CELF4: variants seen among roughly 807,000 people sequenced by gnomAD.
CELF4 encodes the protein CUGBP Elav-like family member 4, also known as CUG-BP- and ETR-3-like factor 4.
Under a neutral mutation model 59.9 loss-of-function variants are expected in CELF4, and 18 were observed. The observed-to-expected ratio is 0.30, with a 90% CI of 0.21 to 0.45. The LOEUF (loss-of-function observed/expected upper bound fraction) is 0.45, where lower values mean the gene tolerates loss of function less well. Ranked by LOEUF, CELF4 falls within the 20% of genes least tolerant of loss-of-function variation. The pLI, the probability that CELF4 is intolerant of heterozygous loss-of-function variation, is 1.00. For synonymous variants in CELF4, 261 were observed against 267.1 expected, an observed-to-expected ratio of 0.98 and a Z score of 0.22; for missense variants, 456 against 689.0, an observed-to-expected ratio of 0.66 and a Z score of 3.79.
At chr18:37,430,407 T>C (rs2099641375) in intron 2 of CELF4, among the ~76,000 whole-genome samples, 1 of 152,178 alleles carries the variant, frequency 6.6e-6, no homozygotes, top group African/African-American at 2.4e-5. Context: ...CTGTGCCTCA[T>C]ATAAATGCAA....
At chr18:37,312,725 G>T (rs944119583) in intron 3 of CELF4, among the ~76,000 whole-genome samples, 1 of 152,158 alleles carries the variant, frequency 6.6e-6, no homozygotes, top group Non-Finnish European at 1.5e-5. Context: ...ATAGGGTAGG[G>T]GTAGGGTAGA....
intron 2 of CELF4, among the ~76,000 whole-genome samples, chr18:37,411,549 T>G (rs1461458458): frequency 6.6e-6 from 1 of 152,272 alleles, no homozygotes; most frequent in Admixed American, 6.5e-5. Flanking sequence ...TGAGGGGCAC[T>G]GCTGCTACTT....
At position 37,348,622 on chromosome 18, in the gene CELF4, G is replaced by C. The variant is rs561927935; in HGVS notation, c.370-26741C>G. On this transcript the variant is annotated intron_variant, in intron 2 of 12. Transcript: ENST00000420428. ...AGCAGTGAGGTGGGGTGGGACGGTGGGGGGATGGGAGCAAAATTCCCTCCT... is the reference window on the plus strand; with the variant it reads ...AGCAGTGAGGTGGGGTGGGACGGTGCGGGGATGGGAGCAAAATTCCCTCCT... 3.3e-5 allele frequency among the ~76,000 whole-genome samples: 5 copies of C among 152,162 alleles called. No individual in the cohort carries two copies. In the South Asian group the frequency reaches 1.0e-3, roughly 32 times the overall value.
chr18:37,339,997 A>G (rs1374255372), intron 2 of CELF4, among the ~76,000 whole-genome samples: 1 of 152,158 alleles, frequency 6.6e-6, no homozygotes, highest in African/African-American at 2.4e-5. Context: ...CCATCAGCGC[A>G]TTAATCCTTA....
At chr18:37,474,087 G>A (rs1027382902) in intron 2 of CELF4, 5 of 152,216 alleles carry the variant, frequency 3.3e-5, no homozygotes, top group Non-Finnish European at 7.3e-5. Flanking sequence ...TTACGTTGTT[G>A]CTGTTGCATG....
chr18:37,465,761 A>G (rs946599555), intron 2 of CELF4, among the ~76,000 whole-genome samples: 4 of 152,184 alleles, frequency 2.6e-5, no homozygotes, highest in South Asian at 4.1e-4. Context: ...GGGAATTGGT[A>G]TGCATGGGGT....
At chr18:37,483,725 A>T (rs564360774) in intron 2 of CELF4, among the ~76,000 whole-genome samples, 1 of 152,144 alleles carries the variant, frequency 6.6e-6, no homozygotes, top group Non-Finnish European at 1.5e-5. Flanking sequence ...GCCTGGTAAT[A>T]AGCCTTCTTT....
chr18:37,505,330 GT>G (rs1224797115), intron 1 of CELF4, among the ~76,000 whole-genome samples: 2 of 152,176 alleles, frequency 1.3e-5, no homozygotes, highest in Admixed American at 1.3e-4. Context: ...CTATTTTCTA[GT>G]TTTGCATCTC....
In CELF4 at chr18:37,270,852, T is replaced by C; in HGVS notation, c.1015A>G (p.Asn339Asp). Reference sequence around the variant, plus strand: ...TGTGGGGGGAGGCCGGTGAAGCCATTCACCCCAATGGGGGATGGGATGCTA... The same window carrying C: ...TGTGGGGGGAGGCCGGTGAAGCCATCCACCCCAATGGGGGATGGGATGCTA... Reference protein sequence around the residue: ...VPSIPSPIGVNGFTGLPPQAN... With the variant: ...VPSIPSPIGVDGFTGLPPQAN... Residue 339 changes from asparagine (N) to aspartate (D), a missense_variant, in exon 8 of 13, where the codon AAT becomes GAT. Asn to Asp is a conservative substitution (Grantham distance 23, BLOSUM62 1). This residue lies in a region of CELF4 where 256 missense variants were observed against 340.8 expected (regional missense o/e 0.75). Coordinates refer to ENST00000420428, the MANE Select transcript of CELF4 (RefSeq NM_020180.4). 1 of 1,613,678 alleles carries C rather than the reference T, an allele frequency of 6.2e-7. No individual in the cohort carries two copies. The highest frequency in any genetic ancestry group is 8.5e-7 in the Non-Finnish European group (1 of 1,179,878).
intron 1 of CELF4, among the ~76,000 whole-genome samples, chr18:37,551,325 C>T (rs560331628): frequency 9.8e-4 from 150 of 152,336 alleles, no homozygotes; most frequent in Non-Finnish European, 1.6e-3. Context: ...CATGACTGCC[C>T]CCCTGGGCTG....
At chr18:37,391,297 C>T (rs2099159129) in intron 2 of CELF4, among the ~76,000 whole-genome samples, 1 of 152,206 alleles carries the variant, frequency 6.6e-6, no homozygotes, top group Admixed American at 6.5e-5. Context: ...GGACACATGC[C>T]CCGGCAAAGC....
At chr18:37,443,112 G>A (rs943070145) in intron 2 of CELF4, among the ~76,000 whole-genome samples, 1 of 152,176 alleles carries the variant, frequency 6.6e-6, no homozygotes, top group Non-Finnish European at 1.5e-5. Flanking sequence ...AGAACCTGAC[G>A]GGAGTGGGGA....
At chr18:37,531,229 C>T (rs1038589771) in intron 1 of CELF4, among the ~76,000 whole-genome samples, 1 of 152,118 alleles carries the variant, frequency 6.6e-6, no homozygotes, top group Non-Finnish European at 1.5e-5. Flanking sequence ...ATCCCAGGTT[C>T]CAGCCTCAGC....
At chr18:37,289,535 G>A (rs1787620) in intron 3 of CELF4, among the ~76,000 whole-genome samples, 79,325 of 151,332 alleles carry the variant, frequency 0.52, 21,944 homozygotes, top group African/African-American at 0.7. Flanking sequence ...TAGCTAGTAC[G>A]CCCCAGCTCG....
intron 2 of CELF4, among the ~76,000 whole-genome samples, chr18:37,353,145 C>CA (rs2098484021): frequency 6.7e-6 from 1 of 148,494 alleles, no homozygotes; most frequent in Admixed American, 6.8e-5. Flanking sequence ...TGCTTGAACC[C>CA]GGGAGGCGGA....
At chr18:37,387,322 G>A (rs1010864587) in intron 2 of CELF4, among the ~76,000 whole-genome samples, 2 of 152,192 alleles carry the variant, frequency 1.3e-5, no homozygotes, top group African/African-American at 2.4e-5. Context: ...CAAACCAGCA[G>A]AGCAGCAAGG....
chr18:37,294,161 CTG>C (rs1311617341), intron 3 of CELF4, among the ~76,000 whole-genome samples: 1 of 152,182 alleles, frequency 6.6e-6, no homozygotes, highest in Non-Finnish European at 1.5e-5. Context: ...TCCCACGGTT[CTG>C]TGTCTAGAAT....
intron 2 of CELF4, among the ~76,000 whole-genome samples, chr18:37,381,357 CA>C (rs2099038763): frequency 6.6e-6 from 1 of 152,102 alleles, no homozygotes; most frequent in Non-Finnish European, 1.5e-5. Context: ...CTCTAAAGGG[CA>C]ATGGAGGAGG....
At chr18:37,491,790 G>T (rs2099906478) in intron 1 of CELF4, among the ~76,000 whole-genome samples, 1 of 152,212 alleles carries the variant, frequency 6.6e-6, no homozygotes, top group Non-Finnish European at 1.5e-5. Context: ...TGCAGACCAT[G>T]GTGCAAGGGG....
Sources: gnomAD v4.1 joint callset for allele counts (sites outside exome capture counted in the v4.1 genomes callset) on GRCh38, gnomAD v4.1.1 for gene constraint, gnomAD v4.1.1 regional missense constraint, MANE v1.5 for transcripts, NCBI Gene and HGNC (gene_info 2026-07-23, HGNC 2026-07-21) for gene names.